SEL1L2: variants seen among roughly 807,000 people sequenced by gnomAD.
SEL1L2 encodes SEL1L2 adaptor subunit of SYVN1 ubiquitin ligase.
A neutral mutation model predicts 98.8 loss-of-function variants in SEL1L2; 89 were observed. The ratio of observed to expected loss-of-function variants is 0.90; its 90% CI spans 0.76 to 1.07. SEL1L2 has a LOEUF of 1.07. Among genes scored for constraint, SEL1L2 ranks in the 50% least tolerant of loss-of-function variants. The pLI is 0.00. For missense variants in SEL1L2, 788 were observed against 812.0 expected (o/e 0.97, Z 0.36); for synonymous variants, 262 against 278.5 (o/e 0.94, Z 0.59).
At chr20:13,970,917 CTATTACTATATA>C (rs2051256597) in intron 1 of SEL1L2, among the ~76,000 whole-genome samples, 1 of 149,166 alleles carries the variant, frequency 6.7e-6, no homozygotes, top group Non-Finnish European at 1.5e-5. Flanking sequence ...TATACTATAT[CTATTACTATATA>C]GGAATATTAA....
chr20:13,908,108 T>C (rs2048052137), intron 5 of SEL1L2, among the ~76,000 whole-genome samples: 1 of 89,538 alleles, frequency 1.1e-5, no homozygotes, highest in Non-Finnish European at 2.2e-5. Flanking sequence ...TGGTTCTTTT[T>C]TTTTTTTTTT....
intron 5 of SEL1L2, among the ~76,000 whole-genome samples, chr20:13,908,305 T>TAC (rs2048066335): frequency 2.0e-5 from 3 of 151,448 alleles, no homozygotes; most frequent in African/African-American, 7.3e-5. Flanking sequence ...TTAAATTTTG[T>TAC]AGAGACAGGA....
upstream of SEL1L2, among the ~76,000 whole-genome samples, chr20:13,993,408 C>T (rs34335912): frequency 0.019 from 2,882 of 152,156 alleles, 48 homozygotes; most frequent in Middle Eastern, 0.054. Context: ...GTTTGGTACA[C>T]GGCACATTTC....
chr20:13,951,439 A>C (rs1042851955), intron 2 of SEL1L2, among the ~76,000 whole-genome samples: 6 of 142,564 alleles, frequency 4.2e-5, no homozygotes, highest in African/African-American at 1.6e-4. Flanking sequence ...GTCTCTACTA[A>C]AAATACAAAA....
At chr20:13,949,265 C>T (rs1434211439) in intron 2 of SEL1L2, among the ~76,000 whole-genome samples, 1 of 152,208 alleles carries the variant, frequency 6.6e-6, no homozygotes, top group East Asian at 1.9e-4. Context: ...TGCAAATGGA[C>T]ATCAAGCCCA....
intron 1 of SEL1L2, among the ~76,000 whole-genome samples, chr20:13,958,922 CAAA>C (rs34641853): frequency 1.7e-5 from 2 of 116,754 alleles, no homozygotes. Flanking sequence ...GACTCTGTCT[CAAA>C]AAAAAAAAAA....
chr20:13,881,142 T>C (rs761306084), intron 10 of SEL1L2, among the ~76,000 whole-genome samples: 3 of 152,162 alleles, frequency 2.0e-5, no homozygotes, highest in Non-Finnish European at 4.4e-5. Context: ...GCCTCCTGAG[T>C]GGCTGGGACT....
chr20:13,966,571 C>T (rs535911218), intron 1 of SEL1L2, among the ~76,000 whole-genome samples: 3 of 152,252 alleles, frequency 2.0e-5, no homozygotes, highest in South Asian at 2.1e-4. Context: ...CCACCCACCC[C>T]GGCCTCCCAA....
chr20:13,910,676 G>T (rs568900068), intron 5 of SEL1L2, among the ~76,000 whole-genome samples: 1 of 152,276 alleles, frequency 6.6e-6, no homozygotes, highest in East Asian at 1.9e-4. Context: ...TTCCGGCACT[G>T]GGTTGGCACT....
intron 12 of SEL1L2, among the ~76,000 whole-genome samples, chr20:13,873,907 G>C (rs895345888): frequency 2.6e-5 from 4 of 152,140 alleles, no homozygotes; most frequent in Non-Finnish European, 5.9e-5. Flanking sequence ...TTGGACAGGA[G>C]GGGAGAAGCC....
intron 5 of SEL1L2, among the ~76,000 whole-genome samples, chr20:13,908,646 T>C (rs1568947616): frequency 6.6e-6 from 1 of 152,234 alleles, no homozygotes; most frequent in Non-Finnish European, 1.5e-5. Context: ...TAGGGTATGA[T>C]TGTTTGAAAT....
intron 2 of SEL1L2, among the ~76,000 whole-genome samples, chr20:13,933,185 C>T (rs903515796): frequency 4.6e-5 from 7 of 151,538 alleles, no homozygotes; most frequent in Admixed American, 3.3e-4. Flanking sequence ...CTCCAGCCAG[C>T]GTACTCCAGA....
chr20:13,986,731 T>G (rs2052203500), intron 1 of SEL1L2, among the ~76,000 whole-genome samples: 1 of 152,272 alleles, frequency 6.6e-6, no homozygotes, highest in African/African-American at 2.4e-5. Flanking sequence ...TACAAATTTC[T>G]GTGTGAATAT....
chr20:13,888,551 T>G, intron 5 of SEL1L2, 39 bp from the exon 6 acceptor site: 1 of 1,146,114 alleles, frequency 8.7e-7, no homozygotes, highest in Non-Finnish European at 1.3e-6. Context: ...AATAAATCAA[T>G]TTATTTCCTA....
At chr20:13,950,863 A>C (rs2050227443) in intron 2 of SEL1L2, among the ~76,000 whole-genome samples, 1 of 152,178 alleles carries the variant, frequency 6.6e-6, no homozygotes. Flanking sequence ...CTGTGTTAGA[A>C]AATGCTTGAA....
intron 1 of SEL1L2, among the ~76,000 whole-genome samples, chr20:13,956,845 C>T (rs955369720): frequency 6.6e-6 from 1 of 152,060 alleles, no homozygotes; most frequent in Admixed American, 6.5e-5. Context: ...AACTTTACTA[C>T]ATTACTAAGA....
chr20:13,941,601 A>G (rs532464108), intron 2 of SEL1L2, among the ~76,000 whole-genome samples: 3 of 152,204 alleles, frequency 2.0e-5, no homozygotes, highest in Non-Finnish European at 4.4e-5. Context: ...GTGATAGGAG[A>G]TTCCATTTAC....
At chr20:13,905,217 C>T (rs1177248759) in intron 5 of SEL1L2, among the ~76,000 whole-genome samples, 3 of 151,776 alleles carry the variant, frequency 2.0e-5, no homozygotes, top group Non-Finnish European at 4.4e-5. Context: ...TAAAATACTA[C>T]TTGAAGTATG....
rs1330984245 is a variant in SEL1L2, at chr20:13,966,567, AC to A, written c.59-10437del. 2.0e-5 allele frequency among the ~76,000 whole-genome samples: 3 copies of A among 151,906 alleles called. No homozygotes were observed. In the East Asian group the frequency reaches 5.8e-4, roughly 29 times the overall value. ...ACTCCTGACCTCAGGCAATCCACCC[AC>A]CCCGGCCTCCCAAAGTGCTGGGATT... On this transcript the variant is annotated intron_variant, in intron 1 of 19. Transcript: ENST00000284951.
Sources: gnomAD v4.1 joint callset for allele counts (sites outside exome capture counted in the v4.1 genomes callset) on GRCh38, gnomAD v4.1.1 for gene constraint, MANE v1.5 for transcripts, NCBI Gene and HGNC (gene_info 2026-07-23, HGNC 2026-07-21) for gene names.